The following ELFN1 variants were observed in gnomAD, a reference collection of about 807,000 sequenced individuals.
The protein encoded by ELFN1 is extracellular leucine rich repeat and fibronectin type III domain containing 1, also known as protein ELFN1.
A neutral mutation model predicts 7.6 loss-of-function variants in ELFN1; 6 were observed. That is an observed-to-expected ratio of 0.79 (90% CI 0.43 to 1.56). ELFN1 has a LOEUF of 1.56. Ranked by LOEUF, ELFN1 falls within the 40% of genes most tolerant of loss-of-function variation. The pLI is 0.01. For missense variants in ELFN1, 1,169 were observed against 1,232.2 expected (o/e 0.95, Z 0.77); for synonymous variants, 657 against 588.1 (o/e 1.12, Z -1.70).
intron 3 of ELFN1, among the ~76,000 whole-genome samples, chr7:1,720,501 C>A (rs1016605419): frequency 2.6e-5 from 4 of 152,226 alleles, no homozygotes; most frequent in Non-Finnish European, 5.9e-5. Context: ...AACCAGCGTG[C>A]AGGTTTGTGG....
At chr7:1,729,947 G>A (rs1780292698) in intron 3 of ELFN1, among the ~76,000 whole-genome samples, 1 of 152,226 alleles carries the variant, frequency 6.6e-6, no homozygotes, top group South Asian at 2.1e-4. Context: ...CAGGAGGTGG[G>A]CGGGGGTGGT....
chr7:1,732,771 C>T (rs1228050542), intron 3 of ELFN1, among the ~76,000 whole-genome samples: 1 of 152,188 alleles, frequency 6.6e-6, no homozygotes, highest in Non-Finnish European at 1.5e-5. Flanking sequence ...CAAGCATCTC[C>T]AGGCTGTGGC....
intron 2 of ELFN1, among the ~76,000 whole-genome samples, chr7:1,689,934 GCC>G (rs1779125906): frequency 6.6e-6 from 1 of 152,214 alleles, no homozygotes; most frequent in African/African-American, 2.4e-5. Context: ...AACCCCTTGA[GCC>G]CTCTGGACAC....
intron 3 of ELFN1, among the ~76,000 whole-genome samples, chr7:1,730,065 G>A (rs912455506): frequency 2.6e-5 from 4 of 152,248 alleles, no homozygotes; most frequent in East Asian, 1.9e-4. Flanking sequence ...AATCCGCCAC[G>A]TCGGATGCCT....
At chr7:1,666,245 G>A (rs1043342010), upstream of ELFN1, among the ~76,000 whole-genome samples, 3 of 151,930 alleles carry the variant, frequency 2.0e-5, no homozygotes, top group Non-Finnish European at 2.9e-5. This position sits in a 1 kb window ranked among gnomAD's most constrained non-coding sequence, Gnocchi z 7.9. Context: ...GGATCGGAGG[G>A]TCCCCGCCCC....
At chr7:1,693,618 C>T (rs1428216863) in intron 2 of ELFN1, 4 of 471,226 alleles carry the variant, frequency 8.5e-6, no homozygotes, top group Non-Finnish European at 1.3e-5. Flanking sequence ...GTGTGAACAC[C>T]TCCGGCGGTG....
intron 1 of ELFN1, among the ~76,000 whole-genome samples, chr7:1,676,456 G>T (rs1048179559): frequency 1.3e-5 from 2 of 152,212 alleles, no homozygotes; most frequent in Admixed American, 6.5e-5. Flanking sequence ...CCGGAGCCTC[G>T]GCCTCTCCTC....
chr7:1,717,524 G>A (rs1030652492), intron 3 of ELFN1, among the ~76,000 whole-genome samples: 11 of 152,138 alleles, frequency 7.2e-5, no homozygotes, highest in African/African-American at 2.2e-4. Context: ...GGAAGGTGCC[G>A]GGGGAGCTGG....
intron 1 of ELFN1, among the ~76,000 whole-genome samples, chr7:1,678,955 G>C (rs1437847951): frequency 1.3e-5 from 2 of 152,180 alleles, no homozygotes; most frequent in Non-Finnish European, 2.9e-5. Context: ...GCTCCCAGGA[G>C]TGCTCACCCC....
chr7:1,688,723 A>G (rs958740381), intron 2 of ELFN1, among the ~76,000 whole-genome samples: 1 of 152,156 alleles, frequency 6.6e-6, no homozygotes, highest in Non-Finnish European at 1.5e-5. Context: ...CCCAGTGGCA[A>G]CATCTTACAA....
intron 3 of ELFN1, among the ~76,000 whole-genome samples, chr7:1,716,052 C>A (rs967806872): frequency 7.2e-5 from 11 of 152,328 alleles, no homozygotes; most frequent in African/African-American, 2.6e-4. Flanking sequence ...AGTCATGTAA[C>A]CTCTCTGTGC....
At position 1,705,452 on chromosome 7, in the gene ELFN1, C is replaced by A. The variant is rs936097542; in HGVS notation, c.-455-3639C>A. ...CATCCTGGAAGGAGGAGGAGGAGCT[C>A]CCCCCAACCGCCAGGGTGCCAGGGG... On this transcript the variant is annotated intron_variant, in intron 2 of 3. Coordinates refer to ENST00000424383, the MANE Select transcript of ELFN1 (RefSeq NM_001128636.4). This position sits in a 1 kb window ranked among gnomAD's most constrained non-coding sequence, Gnocchi z 4.3. 2.6e-5 allele frequency among the ~76,000 whole-genome samples: 4 copies of A among 152,202 alleles called. No homozygotes were observed. The highest frequency in any genetic ancestry group is 5.9e-5 in the Non-Finnish European group (4 of 68,040).
rs1414747224 is a variant in ELFN1, at chr7:1,709,148, C to G, written c.-398C>G. On this transcript the variant is annotated 5_prime_UTR_variant, in exon 3 of 4. Transcript: ENST00000424383. ...GTTTGTCCGGACCCAGGCTGTCCTT[C>G]TGTGTGCTGGAATGAGGCGAACATG... 1 of 152,252 alleles carries G rather than the reference C, an allele frequency of 6.6e-6. No individual in the cohort carries two copies. The highest frequency in any genetic ancestry group is 1.9e-4 in the East Asian group (1 of 5,192). 9.4% of individuals were successfully genotyped at this position (152,252 alleles called of 1,614,324 possible).
intron 3 of ELFN1, among the ~76,000 whole-genome samples, chr7:1,717,136 G>T (rs1404787128): frequency 6.6e-6 from 1 of 152,192 alleles, no homozygotes; most frequent in African/African-American, 2.4e-5. Context: ...TGAGCGATAG[G>T]CATCAGTGGT....
chr7:1,673,199 C>A lies in ELFN1; in HGVS notation c.-549+2845C>A, dbSNP rs1778801890. On this transcript the variant is annotated intron_variant, in intron 1 of 3. Coordinates refer to ENST00000424383, the MANE Select transcript of ELFN1 (RefSeq NM_001128636.4). The surrounding 1 kb of genome is among the most constrained non-coding windows in gnomAD (Gnocchi z 4.7). ...TTGTGGGGGTGGCTGGTGGTGGAGC[C>A]ACTGCAGTGGACGATGGCGCCATCC... 6.6e-6 allele frequency among the ~76,000 whole-genome samples: 1 copy of A among 151,078 alleles called. No individual in the cohort carries two copies. Among genetic ancestry groups the A allele is most frequent in the African/African-American group, 2.5e-5 (1 of 40,564 alleles).
intron 3 of ELFN1, among the ~76,000 whole-genome samples, chr7:1,743,349 C>T (rs367999175): frequency 5.9e-5 from 9 of 152,252 alleles, no homozygotes; most frequent in East Asian, 5.8e-4. Context: ...GAGAGGCATG[C>T]GGCTCCCCCA....
rs1165312284 is a variant in ELFN1 at position 1,745,391 on chromosome 7, A to G, written c.795A>G (p.Pro265=). The G allele has an allele frequency of 1.9e-6, 3 of 1,538,774 alleles. No homozygotes were observed. Among genetic ancestry groups the G allele is most frequent in the East Asian group, 2.4e-5 (1 of 40,854 alleles). Residue 265 remains proline, a synonymous_variant, in exon 4 of 4, where the codon CCA becomes CCG. Coordinates refer to ENST00000424383, the MANE Select transcript of ELFN1 (RefSeq NM_001128636.4). Reference sequence around the variant, plus strand: ...CTGAGGTGGTCGGGCCCCCACGTCCAGCATCCGGGCGCTCACAGCCGGGCC... The same window carrying G: ...CTGAGGTGGTCGGGCCCCCACGTCCGGCATCCGGGCGCTCACAGCCGGGCC... ...YAAEVVGPPR[P]ASGRSQPGRS...
intron 1 of ELFN1, among the ~76,000 whole-genome samples, chr7:1,678,174 G>A (rs1473664669): frequency 6.6e-6 from 1 of 152,132 alleles, no homozygotes. Flanking sequence ...TGCACAGTGT[G>A]TGTGCCACCG....
At position 1,740,497 on chromosome 7, in the gene ELFN1, C is replaced by T. The variant is rs961963821; in HGVS notation, c.-293-3807C>T. Among the ~76,000 whole-genome samples, 2 of 152,170 alleles carry T rather than the reference C, an allele frequency of 1.3e-5. No individual in the cohort carries two copies. Among genetic ancestry groups the T allele is most frequent in the Admixed American group, 6.5e-5 (1 of 15,288 alleles). On this transcript the variant is annotated intron_variant, in intron 3 of 3. Transcript: ENST00000424383. This position sits in a 1 kb window ranked among gnomAD's most constrained non-coding sequence, Gnocchi z 5.0. Reference sequence around the variant, plus strand: ...TGGGGTGCAGCGGCAGGTGTGAGTGCGGATCAGCGAGGGCACAGGCTGGCG... The same window carrying T: ...TGGGGTGCAGCGGCAGGTGTGAGTGTGGATCAGCGAGGGCACAGGCTGGCG...
Sources: gnomAD v4.1 joint callset for allele counts (sites outside exome capture counted in the v4.1 genomes callset) on GRCh38, gnomAD v4.1.1 for gene constraint, Gnocchi (gnomAD v3.1) non-coding constraint, MANE v1.5 for transcripts, NCBI Gene and HGNC (gene_info 2026-07-23, HGNC 2026-07-21) for gene names.